CNTN4: variants seen among roughly 807,000 people sequenced by gnomAD.
CNTN4 encodes contactin 4.
In CNTN4, 77 loss-of-function variants were observed where a neutral mutation model predicts 122.5. The ratio of observed to expected loss-of-function variants is 0.63; its 90% CI spans 0.52 to 0.76. CNTN4 has a LOEUF of 0.76. Among genes scored for constraint, CNTN4 ranks in the 30% least tolerant of loss-of-function variants. The pLI is 0.00. For synonymous variants in CNTN4, 512 were observed against 447.0 expected (o/e 1.15, Z -1.83); for missense variants, 1,256 against 1,259.1 (o/e 1.00, Z 0.04).
At chr3:2,645,341 CATG>C (rs1407716919) in intron 4 of CNTN4, among the ~76,000 whole-genome samples, 1 of 152,108 alleles carries the variant, frequency 6.6e-6, no homozygotes, top group African/African-American at 2.4e-5. Flanking sequence ...CTGTGAAGAA[CATG>C]ATGTTATTAA....
chr3:2,416,377 G>A (rs1472114437), intron 3 of CNTN4, among the ~76,000 whole-genome samples: 2 of 152,048 alleles, frequency 1.3e-5, no homozygotes, highest in Non-Finnish European at 2.9e-5. Context: ...TTAAATTGGA[G>A]ATAGTAGGAA....
chr3:2,834,775 G>T (rs2093180380), intron 7 of CNTN4, among the ~76,000 whole-genome samples: 1 of 150,948 alleles, frequency 6.6e-6, no homozygotes, highest in South Asian at 2.1e-4. Flanking sequence ...AAAATGCAAT[G>T]ATACAAAATA....
intron 4 of CNTN4, among the ~76,000 whole-genome samples, chr3:2,604,070 T>A (rs2081158413): frequency 6.6e-6 from 1 of 152,144 alleles, no homozygotes; most frequent in Non-Finnish European, 1.5e-5. Flanking sequence ...ACATTTCTAC[T>A]TGGAAGTGAG....
chr3:3,036,997 C>A (rs538988215), intron 17 of CNTN4, among the ~76,000 whole-genome samples, 182 bp from the exon 18 acceptor site: 1 of 152,180 alleles, frequency 6.6e-6, no homozygotes, highest in South Asian at 2.1e-4. Context: ...GTTTAACATA[C>A]AGAGATAGTT....
chr3:2,877,371 C>A (rs768555031), intron 8 of CNTN4, among the ~76,000 whole-genome samples: 15 of 152,174 alleles, frequency 9.9e-5, no homozygotes, highest in Non-Finnish European at 1.9e-4. Context: ...AGTGCCGTAA[C>A]CTTCATTACT....
intron 3 of CNTN4, among the ~76,000 whole-genome samples, chr3:2,361,415 A>T (rs1270984029): frequency 6.6e-6 from 1 of 152,226 alleles, no homozygotes; most frequent in East Asian, 1.9e-4. Context: ...GCTGCCAGGT[A>T]TCCTGCTAAG....
chr3:2,315,832 A>G (rs1454940710), intron 2 of CNTN4, among the ~76,000 whole-genome samples: 2 of 152,100 alleles, frequency 1.3e-5, no homozygotes, highest in Non-Finnish European at 2.9e-5. Context: ...ACTTTTAAAA[A>G]TTTGGCTTAA....
At chr3:2,992,667 T>C (rs944398548) in intron 14 of CNTN4, among the ~76,000 whole-genome samples, 15 of 152,196 alleles carry the variant, frequency 9.9e-5, no homozygotes, top group Admixed American at 5.2e-4. Flanking sequence ...AAGATAACTA[T>C]GTTAATAGCA....
At chr3:2,695,201 G>C (rs1454223376) in intron 4 of CNTN4, among the ~76,000 whole-genome samples, 1 of 152,070 alleles carries the variant, frequency 6.6e-6, no homozygotes, top group Non-Finnish European at 1.5e-5. Context: ...CCTTTGATTT[G>C]TGTATGAGAA....
At chr3:2,326,329 A>C (rs2043455604) in intron 2 of CNTN4, among the ~76,000 whole-genome samples, 1 of 152,134 alleles carries the variant, frequency 6.6e-6, no homozygotes, top group Non-Finnish European at 1.5e-5. Context: ...TCAGACTGGA[A>C]ATACAGCATC....
intron 2 of CNTN4, among the ~76,000 whole-genome samples, chr3:2,211,327 T>G (rs1341306970): frequency 6.6e-6 from 1 of 152,074 alleles, no homozygotes; most frequent in African/African-American, 2.4e-5. Context: ...TCTCCAGCAC[T>G]GGGGATTACA....
At chr3:2,637,335 G>A (rs2082704690) in intron 4 of CNTN4, among the ~76,000 whole-genome samples, 1 of 152,070 alleles carries the variant, frequency 6.6e-6, no homozygotes, top group African/African-American at 2.4e-5. Context: ...TTAACAATTT[G>A]CCCATAGTTA....
intron 10 of CNTN4, among the ~76,000 whole-genome samples, chr3:2,891,725 G>C (rs1441208349): frequency 6.6e-6 from 1 of 152,214 alleles, no homozygotes; most frequent in Non-Finnish European, 1.5e-5. Flanking sequence ...GCAAAGGTTT[G>C]AAACTTGGGA....
intron 2 of CNTN4, among the ~76,000 whole-genome samples, chr3:2,205,563 C>T (rs1402885669): frequency 2.6e-5 from 4 of 151,928 alleles, no homozygotes; most frequent in African/African-American, 4.8e-5. Context: ...CTCACTCAAT[C>T]GTAAGCTCCC....
rs191153225 is a variant in CNTN4 at position 2,440,533 on chromosome 3, G to A, written c.-89+101300G>A. Among the ~76,000 whole-genome samples the A allele has an allele frequency of 1.9e-3, 288 of 152,156 alleles. 2 individuals carry two copies. Among genetic ancestry groups the A allele is most frequent in the Middle Eastern group, 6.8e-3 (2 of 294 alleles). ...TCTTCACTTTTAATATGTGCGTGTT[G>A]TGCTAAAGCTTCCAACTGATGTCGT... On this transcript the variant is annotated intron_variant, in intron 3 of 24. Coordinates refer to ENST00000418658, the MANE Select transcript of CNTN4 (RefSeq NM_175607.3).
rs75132375 is a variant in CNTN4, at chr3:2,954,469, T to C, written c.1358+28690T>C. Reference sequence around the variant, plus strand: ...CATCAAATACGGTGCTGCAAAGAAATTGCAATTATATTTATCAGTTTTTTT... The same window carrying C: ...CATCAAATACGGTGCTGCAAAGAAACTGCAATTATATTTATCAGTTTTTTT... On this transcript the variant is annotated intron_variant, in intron 13 of 24. Coordinates refer to ENST00000418658, the MANE Select transcript of CNTN4 (RefSeq NM_175607.3). 6.6e-4 allele frequency among the ~76,000 whole-genome samples: 100 copies of C among 152,146 alleles called. 2 individuals carry two copies. In the East Asian group the frequency reaches 0.016, roughly 24 times the overall value.
chr3:2,154,941 A>T (rs1280936172), intron 2 of CNTN4, among the ~76,000 whole-genome samples: 2 of 152,256 alleles, frequency 1.3e-5, no homozygotes, highest in Non-Finnish European at 2.9e-5. Context: ...AATAGATTTG[A>T]TAGATGGCAG....
intron 4 of CNTN4, among the ~76,000 whole-genome samples, chr3:2,633,192 T>C (rs180682487): frequency 1.3e-5 from 2 of 152,270 alleles, no homozygotes; most frequent in Middle Eastern, 3.4e-3. Context: ...ACCTTAGCTA[T>C]AGCCCCACGA....
chr3:2,553,869 A>G (rs1230361358), intron 3 of CNTN4, among the ~76,000 whole-genome samples: 2 of 152,188 alleles, frequency 1.3e-5, no homozygotes, highest in African/African-American at 4.8e-5. Context: ...ATGATGTTGA[A>G]TATGTCTTGA....
Sources: allele counts gnomAD v4.1 joint callset (sites outside exome capture counted in the v4.1 genomes callset), GRCh38; gene constraint gnomAD v4.1.1; transcripts MANE v1.5; gene names NCBI Gene and HGNC (gene_info 2026-07-23, HGNC 2026-07-21).